ITGB8: variants seen among roughly 807,000 people sequenced by gnomAD.
The protein encoded by ITGB8 is integrin beta-8.
Under a neutral mutation model 89.5 loss-of-function variants are expected in ITGB8, and 30 were observed. The observed-to-expected ratio is 0.34, with a 90% CI of 0.25 to 0.45. The LOEUF (loss-of-function observed/expected upper bound fraction) is 0.45, where lower values mean the gene tolerates loss of function less well. ITGB8 is among the 20% of genes least tolerant of loss of function. The pLI is 1.00. For missense variants in ITGB8, 836 were observed against 933.3 expected (o/e 0.90, Z 1.36); for synonymous variants, 335 against 320.4 (o/e 1.05, Z -0.49).
chr7:20,381,484 T>G (rs1449401070), intron 5 of ITGB8: 5 of 373,160 alleles, frequency 1.3e-5, no homozygotes, highest in Non-Finnish European at 9.6e-6. Context: ...TAATCTATAT[T>G]GTTCTTCCTC....
chr7:20,356,041 T>C (rs1425828747), intron 1 of ITGB8, among the ~76,000 whole-genome samples: 1 of 152,222 alleles, frequency 6.6e-6, no homozygotes, highest in African/African-American at 2.4e-5. Context: ...TCTTCTCTAC[T>C]ACTTCAGAAC....
Position 20,371,064 on chromosome 7 carries a change from A to G in ITGB8, c.388+3878A>G, listed in dbSNP as rs145419336. Among the ~76,000 whole-genome samples, 216 of 152,304 alleles carry G rather than the reference A, an allele frequency of 1.4e-3. 1 individual carries two copies. The highest frequency in any genetic ancestry group is 4.8e-3 in the African/African-American group (199 of 41,576). On this transcript the variant is annotated intron_variant, in intron 3 of 13. Transcript: ENST00000222573. ...ACAATATCACCAAACAAATAGGCTT[A>G]AGCTAGAAAACCAAAGATAGTTGAT...
In ITGB8 at chr7:20,401,724, C is replaced by A; in HGVS notation, c.1285C>A (p.Leu429Ile). The change falls in exon 10 of 14, where the codon CTT (leucine) becomes ATT (isoleucine). Residue 429 changes from leucine to isoleucine, a missense_variant. Coordinates refer to ENST00000222573, the MANE Select transcript of ITGB8 (RefSeq NM_002214.3). ...CRNVTSNDEV[L>I]FNVTVTMKKC... ...TCCTTTTTCCTCCTAAATTTAGGTT[C>A]TTTTCAATGTAACAGTTACAATGAA... is the stretch of plus-strand genomic sequence containing the variant. 2 of 1,528,236 alleles carry A rather than the reference C, an allele frequency of 1.3e-6. No individual in the cohort carries two copies. Among genetic ancestry groups the A allele is most frequent in the Non-Finnish European group, 8.8e-7 (1 of 1,142,718 alleles). 94.7% of individuals were successfully genotyped at this position (1,528,236 alleles called of 1,614,324 possible).
chr7:20,393,541 G>A (rs756008348), intron 7 of ITGB8, among the ~76,000 whole-genome samples: 8 of 152,108 alleles, frequency 5.3e-5, no homozygotes, highest in Non-Finnish European at 8.8e-5. Context: ...AAGTTTCAGC[G>A]GTGCCCTCTG....
In ITGB8 at chr7:20,409,978, C is replaced by T; in HGVS notation, c.2291C>T (p.Thr764Ile). Residue 764 changes from threonine to isoleucine, a missense_variant, in exon 14 of 14, where the codon ACT (threonine) becomes ATT (isoleucine). By Grantham distance (89) the Thr-to-Ile change is moderately conservative. This residue lies in a region of ITGB8 where 422 missense variants were observed against 416.9 expected (regional missense o/e 1.01). Coordinates refer to ENST00000222573, the MANE Select transcript of ITGB8 (RefSeq NM_002214.3). ...ATCAGCAAATTAAATGCTCATGAAA[C>T]TTTCAGGTGCAACTTCTAAAAAAAG... ...MDISKLNAHE[T>I]FRCNF 1 of 1,609,844 alleles carries T rather than the reference C, an allele frequency of 6.2e-7. No individual in the cohort carries two copies.
chr7:20,338,856 T>C (rs913872450), intron 1 of ITGB8, among the ~76,000 whole-genome samples: 1 of 152,192 alleles, frequency 6.6e-6, no homozygotes, highest in African/African-American at 2.4e-5. Flanking sequence ...AATGTATGCA[T>C]AGTCTTAATT....
intron 6 of ITGB8, 118 bp downstream of exon 6, chr7:20,382,003 A>AG (rs915011494): frequency 1.2e-6 from 1 of 806,918 alleles, no homozygotes; most frequent in Non-Finnish European, 1.9e-6. Flanking sequence ...ATACAGAACA[A>AG]GGATAAGCCA....
intron 8 of ITGB8, among the ~76,000 whole-genome samples, chr7:20,395,211 G>A (rs1022344430): frequency 6.6e-6 from 1 of 152,202 alleles, no homozygotes; most frequent in African/African-American, 2.4e-5. Flanking sequence ...AGTCAACAGA[G>A]ATTGGGCTAG....
intron 1 of ITGB8, among the ~76,000 whole-genome samples, chr7:20,339,115 C>T (rs1273765409): frequency 1.3e-5 from 2 of 151,504 alleles, no homozygotes; most frequent in African/African-American, 4.9e-5. Context: ...TCATTTGAAC[C>T]CATGAGATGG....
chr7:20,379,166 C>T lies in ITGB8; in HGVS notation c.504C>T (p.Ser168=), dbSNP rs200718910. 8.7e-6 allele frequency: 14 copies of T among 1,611,220 alleles called. No individual in the cohort carries two copies. The highest frequency in any genetic ancestry group is 4.4e-5 in the South Asian group (4 of 90,708). ...ACAATAATATAGAAAAATTAAATTC[C>T]GTTGGAAACGATTTATCTAGAAAAA... The part of the protein sequence containing the change: ...SMHNNIEKLN[S]VGNDLSRKMA... Residue 168 remains serine (S), a synonymous_variant, in exon 4 of 14, where the codon TCC becomes TCT. Coordinates refer to ENST00000222573, the MANE Select transcript of ITGB8 (RefSeq NM_002214.3).
chr7:20,411,049 C>A lies in ITGB8; in HGVS notation c.*1052C>A, dbSNP rs1296971342. 6.6e-6 allele frequency: 1 copy of A among 151,778 alleles called. No individual in the cohort carries two copies. Among genetic ancestry groups the A allele is most frequent in the African/African-American group, 2.4e-5 (1 of 41,328 alleles). The allele number at this position is 151,778 out of a possible 1,614,324, so 9.4% of individuals were successfully genotyped here. A position where few individuals can be genotyped will look rare whatever the true frequency, so the allele number is the denominator to read the frequency against. ...GCTATATTATCTTCTCCCTTCAAGG[C>A]AGCCTAAGGATGTTCTTTCCCAGAA... On this transcript the variant is annotated 3_prime_UTR_variant, in exon 14 of 14. Coordinates refer to ENST00000222573, the MANE Select transcript of ITGB8 (RefSeq NM_002214.3).
At chr7:20,393,858 C>G (rs1786963377) in intron 7 of ITGB8, among the ~76,000 whole-genome samples, 1 of 152,178 alleles carries the variant, frequency 6.6e-6, no homozygotes, top group Non-Finnish European at 1.5e-5. Flanking sequence ...GCAACCTTCC[C>G]CAGCTCTCAA....
intron 1 of ITGB8, among the ~76,000 whole-genome samples, chr7:20,343,236 G>T (rs142207304): frequency 6.6e-5 from 10 of 152,156 alleles, no homozygotes; most frequent in African/African-American, 2.4e-4. Context: ...TTATTGATCC[G>T]GCTGCCTGGG....
intron 13 of ITGB8, 47 bp from the exon 14 acceptor site, chr7:20,409,828 A>G (rs765246953): frequency 6.2e-7 from 1 of 1,610,006 alleles, no homozygotes. Context: ...TTGCCTAGTT[A>G]CAATATTTAG....
intron 3 of ITGB8, among the ~76,000 whole-genome samples, chr7:20,376,851 A>C (rs548116481): frequency 1.3e-5 from 2 of 152,204 alleles, no homozygotes; most frequent in Non-Finnish European, 2.9e-5. Context: ...CTTTATTAGA[A>C]ACTTCTCTAC....
intron 3 of ITGB8, 22 bp downstream of exon 3, chr7:20,367,208 T>C: frequency 1.3e-6 from 2 of 1,539,304 alleles, no homozygotes; most frequent in Non-Finnish European, 8.9e-7. Context: ...TTCAAATAAA[T>C]CTATAATGAT....
intron 10 of ITGB8, among the ~76,000 whole-genome samples, chr7:20,403,842 A>G (rs140913602): frequency 7.9e-5 from 12 of 152,258 alleles, no homozygotes; most frequent in Admixed American, 1.3e-4. Flanking sequence ...CAGAATTCCT[A>G]TATCATCATG....
chr7:20,334,048 A>C (rs1210465062), intron 1 of ITGB8, among the ~76,000 whole-genome samples: 1 of 152,184 alleles, frequency 6.6e-6, no homozygotes, highest in Non-Finnish European at 1.5e-5. Context: ...AGAGACCAGA[A>C]GCTGCATAAG....
At chr7:20,386,094 T>C (rs1193901291) in intron 6 of ITGB8, among the ~76,000 whole-genome samples, 1 of 152,240 alleles carries the variant, frequency 6.6e-6, no homozygotes, top group Admixed American at 6.5e-5. Flanking sequence ...ACTTATTTTG[T>C]GCCAGGTATG....
Sources: allele counts gnomAD v4.1 joint callset (sites outside exome capture counted in the v4.1 genomes callset), GRCh38; gene constraint gnomAD v4.1.1; regional missense constraint gnomAD v4.1.1; transcripts MANE v1.5; gene names NCBI Gene and HGNC (gene_info 2026-07-23, HGNC 2026-07-21).